Variants in CNTNAP2 observed in about 807,000 individuals in gnomAD.
CNTNAP2 encodes contactin-associated protein-like 2.
In CNTNAP2, 98 loss-of-function variants were observed where a neutral mutation model predicts 155.2. The observed-to-expected ratio is 0.63, with a 90% confidence interval of 0.54 to 0.75. The LOEUF (loss-of-function observed/expected upper bound fraction) is 0.75, where lower values mean the gene tolerates loss of function less well. Ranked by LOEUF, CNTNAP2 falls within the 30% of genes least tolerant of loss-of-function variation. The pLI is 0.00. For synonymous variants in CNTNAP2, 651 were observed against 631.2 expected (o/e 1.03, Z -0.47); for missense variants, 1,727 against 1,688.1 (o/e 1.02, Z -0.40).
chr7:147,667,796 A>C (rs79382431), intron 13 of CNTNAP2, among the ~76,000 whole-genome samples: 1 of 133,644 alleles, frequency 7.5e-6, no homozygotes, highest in African/African-American at 3.2e-5. Context: ...CTGCTGCTGC[A>C]AAAAAAAAAA....
At chr7:148,067,986 C>T (rs919117330) in intron 15 of CNTNAP2, among the ~76,000 whole-genome samples, 5 of 152,132 alleles carry the variant, frequency 3.3e-5, no homozygotes, top group African/African-American at 1.2e-4. Flanking sequence ...AGGCCAGTCT[C>T]ACTCCCACTG....
intron 21 of CNTNAP2, among the ~76,000 whole-genome samples, chr7:148,360,177 T>C (rs1563056759): frequency 6.6e-6 from 1 of 152,210 alleles, no homozygotes; most frequent in Non-Finnish European, 1.5e-5. Context: ...CCTAGCTGAC[T>C]GCTCCGAAAT....
At chr7:148,287,779 C>A in intron 21 of CNTNAP2, among the ~76,000 whole-genome samples, 1 of 124,044 alleles carries the variant, frequency 8.1e-6, no homozygotes. Flanking sequence ...CTTCCTCTTT[C>A]TTTCTTTCTT....
At position 147,891,221 on chromosome 7, in the gene CNTNAP2, TTG is replaced by T. The variant is rs1319722594; in HGVS notation, c.2099-12343_2099-12342del. Among the ~76,000 whole-genome samples the T allele has an allele frequency of 3.7e-4, 56 of 151,338 alleles. 1 individual carries two copies. Among genetic ancestry groups the T allele is most frequent in the African/African-American group, 1.1e-3 (46 of 41,158 alleles). ...TCAACAAATAGATTTTTTTTTTTTTTTGAGACGGAGTCTCACTCTGTCGCCCA... is the reference window on the plus strand; with the variant it reads ...TCAACAAATAGATTTTTTTTTTTTTTAGACGGAGTCTCACTCTGTCGCCCA... On this transcript the variant is annotated intron_variant, in intron 13 of 23. Transcript: ENST00000361727.
At chr7:148,117,866 A>G (rs575282891) in intron 15 of CNTNAP2, among the ~76,000 whole-genome samples, 1 of 149,532 alleles carries the variant, frequency 6.7e-6, no homozygotes, top group East Asian at 1.9e-4. Context: ...TTAATATTTA[A>G]TTTTATATAG....
At chr7:147,111,124 C>G (rs1473968063) in intron 5 of CNTNAP2, among the ~76,000 whole-genome samples, 2 of 152,052 alleles carry the variant, frequency 1.3e-5, no homozygotes, top group African/African-American at 4.8e-5. Context: ...CTCTAATGAT[C>G]AGTGATGTAG....
intron 1 of CNTNAP2, among the ~76,000 whole-genome samples, chr7:146,321,690 A>G (rs1238622469): frequency 6.6e-6 from 1 of 152,186 alleles, no homozygotes; most frequent in East Asian, 1.9e-4. Flanking sequence ...AGGACATACC[A>G]TGGGGCAAGG....
intron 1 of CNTNAP2, among the ~76,000 whole-genome samples, chr7:146,342,872 G>A (rs1351981003): frequency 1.3e-5 from 2 of 152,068 alleles, no homozygotes; most frequent in Non-Finnish European, 2.9e-5. Flanking sequence ...TGCAAAATTC[G>A]CTTGGCTATT....
intron 12 of CNTNAP2, among the ~76,000 whole-genome samples, chr7:147,628,627 C>T (rs1423072995): frequency 6.6e-6 from 1 of 152,104 alleles, no homozygotes; most frequent in African/African-American, 2.4e-5. Flanking sequence ...TCACATCTCA[C>T]TGCTAATGTT....
intron 1 of CNTNAP2, among the ~76,000 whole-genome samples, chr7:146,246,568 C>A (rs1026156943): frequency 6.6e-6 from 1 of 150,976 alleles, no homozygotes. Context: ...CAGACTTACC[C>A]TCCACTGTGA....
At chr7:147,663,241 C>T (rs576062779) in intron 13 of CNTNAP2, among the ~76,000 whole-genome samples, 3 of 152,334 alleles carry the variant, frequency 2.0e-5, no homozygotes, top group East Asian at 3.9e-4. Flanking sequence ...CGTGATCCAC[C>T]CGCCTTGGCC....
chr7:146,244,516 C>T (rs956221016), intron 1 of CNTNAP2, among the ~76,000 whole-genome samples: 4 of 152,164 alleles, frequency 2.6e-5, no homozygotes, highest in Non-Finnish European at 4.4e-5. Context: ...GGTCTGACTT[C>T]TGAGAAGGGT....
chr7:146,658,946 ACTCT>A (rs1032107832), intron 1 of CNTNAP2, among the ~76,000 whole-genome samples: 14 of 151,874 alleles, frequency 9.2e-5, no homozygotes, highest in East Asian at 1.9e-4. Flanking sequence ...AGAACCCCAC[ACTCT>A]CTCAGCCTCT....
chr7:146,587,996 C>CTG (rs1798721365), intron 1 of CNTNAP2, among the ~76,000 whole-genome samples: 1 of 115,664 alleles, frequency 8.6e-6, no homozygotes, highest in Non-Finnish European at 1.8e-5. Context: ...TTCAAACAAA[C>CTG]CGTGTGTGTA....
At chr7:148,208,223 G>A (rs1049563125) in intron 18 of CNTNAP2, among the ~76,000 whole-genome samples, 2 of 152,228 alleles carry the variant, frequency 1.3e-5, no homozygotes, top group Non-Finnish European at 2.9e-5. Flanking sequence ...AGAGCTTAGG[G>A]TGTCTCTAGG....
At chr7:148,251,287 T>C (rs774657658) in intron 20 of CNTNAP2, among the ~76,000 whole-genome samples, 9 of 152,174 alleles carry the variant, frequency 5.9e-5, no homozygotes, top group Non-Finnish European at 1.0e-4. Flanking sequence ...ATACTTATGA[T>C]CAAGTTTTAC....
intron 1 of CNTNAP2, among the ~76,000 whole-genome samples, chr7:146,270,736 C>G (rs1800068598): frequency 6.6e-6 from 1 of 152,120 alleles, no homozygotes. Context: ...CACATCAGCT[C>G]AGACCCAGAT....
chr7:146,314,564 T>A (rs1422169850), intron 1 of CNTNAP2, among the ~76,000 whole-genome samples: 2 of 152,124 alleles, frequency 1.3e-5, no homozygotes, highest in African/African-American at 4.8e-5. Context: ...ACTTGTTGAA[T>A]GTTTGCAAGT....
intron 1 of CNTNAP2, among the ~76,000 whole-genome samples, chr7:146,123,816 T>C (rs1455068889): frequency 6.6e-6 from 1 of 152,134 alleles, no homozygotes; most frequent in East Asian, 1.9e-4. Flanking sequence ...TAAAGGTGCT[T>C]CTATTTTTAA....
Sources: allele counts gnomAD v4.1 joint callset (sites outside exome capture counted in the v4.1 genomes callset), GRCh38; gene constraint gnomAD v4.1.1; transcripts MANE v1.5; gene names NCBI Gene and HGNC (gene_info 2026-07-23, HGNC 2026-07-21).